Variants in PARD3 observed in about 807,000 individuals in gnomAD.
PARD3 encodes partitioning defective 3 homolog.
PARD3 carries 75 observed loss-of-function variants against 155.4 expected under a neutral mutation model. The observed-to-expected ratio is 0.48, with a 90% CI of 0.40 to 0.58. The LOEUF is 0.58. Among genes scored for constraint, PARD3 ranks in the 20% least tolerant of loss-of-function variants. PARD3 has a pLI of 0.00. For missense variants in PARD3, 1,642 were observed against 1,721.7 expected, an observed-to-expected ratio of 0.95 and a Z score of 0.82; for synonymous variants, 576 against 610.5, an observed-to-expected ratio of 0.94 and a Z score of 0.83.
chr10:34,163,226 T>G (rs1949366405), intron 22 of PARD3, among the ~76,000 whole-genome samples: 1 of 152,050 alleles, frequency 6.6e-6, no homozygotes, highest in African/African-American at 2.4e-5. Context: ...GGGAGGAGGC[T>G]TGTGTTCCCG....
Position 34,359,160 on chromosome 10 carries a change from C to A in PARD3, c.2054G>T (p.Ser685Ile). The A allele has an allele frequency of 6.2e-7, 1 of 1,613,112 alleles. No individual in the cohort carries two copies. The highest frequency in any genetic ancestry group is 8.5e-7 in the Non-Finnish European group (1 of 1,179,618). Residue 685 changes from serine (S) to isoleucine (I), a missense_variant, in exon 14 of 25, where the codon AGC (serine) becomes ATC (isoleucine). Around this residue, in one of 3 missense-constraint regions of PARD3, gnomAD observed 1,529 missense variants for 1,587.3 expected, o/e 0.96. Transcript: ENST00000374788. ...TGCATTTCTTACCTCATTGCACTTGCTTATTCTCCTTGCAACAATAAGCTG... is the reference window on the plus strand; with the variant it reads ...TGCATTTCTTACCTCATTGCACTTGATTATTCTCCTTGCAACAATAAGCTG... ...MIQLIVARRI[S>I]KCNELKSPGS...
intron 20 of PARD3, among the ~76,000 whole-genome samples, chr10:34,298,356 C>T (rs1419971955): frequency 2.6e-5 from 4 of 151,996 alleles, no homozygotes; most frequent in African/African-American, 9.7e-5. Flanking sequence ...TAGCGTGCAT[C>T]GACGTGGGAA....
At chr10:34,806,096 T>G (rs116434603) in intron 1 of PARD3, among the ~76,000 whole-genome samples, 2,216 of 151,776 alleles carry the variant, frequency 0.015, 66 homozygotes, top group African/African-American at 0.05. Flanking sequence ...AGTGACACCA[T>G]CATAGTTCAC....
At chr10:34,616,106 G>T (rs1300004357) in intron 2 of PARD3, among the ~76,000 whole-genome samples, 1 of 152,056 alleles carries the variant, frequency 6.6e-6, no homozygotes, top group Non-Finnish European at 1.5e-5. Context: ...ATCACCTGAG[G>T]CCAGGAGTTC....
At chr10:34,589,636 CAAAAAAAAAAA>C (rs35357373) in intron 2 of PARD3, among the ~76,000 whole-genome samples, 2 of 84,300 alleles carry the variant, frequency 2.4e-5, no homozygotes, top group East Asian at 3.9e-4. Context: ...AGTACATGTC[CAAAAAAAAAAA>C]AAAAAAAAAA....
intron 22 of PARD3, among the ~76,000 whole-genome samples, chr10:34,139,012 C>T (rs987718419): frequency 3.0e-4 from 46 of 151,828 alleles, no homozygotes; most frequent in African/African-American, 1.1e-3. Context: ...TTCTATCACT[C>T]AGACAGTTTT....
rs144274938 is a variant in PARD3, at chr10:34,756,744, C to T, written c.120+58132G>A. Among the ~76,000 whole-genome samples, 590 of 152,242 alleles carry T rather than the reference C, an allele frequency of 3.9e-3. 3 individuals are homozygous for T. The highest frequency in any genetic ancestry group is 0.013 in the African/African-American group (560 of 41,538). ...CTGGGATTACAGGTGTGAGCCACTA[C>T]ACATAATCAAAGCCATTCATCATTT... On this transcript the variant is annotated intron_variant, in intron 1 of 24. Transcript: ENST00000374788.
chr10:34,266,679 G>C (rs897311928), intron 22 of PARD3, among the ~76,000 whole-genome samples: 2 of 152,144 alleles, frequency 1.3e-5, no homozygotes, highest in African/African-American at 2.4e-5. Flanking sequence ...GTTACTTACT[G>C]CTTGGTGTAA....
intron 6 of PARD3, 58 bp downstream of exon 6, chr10:34,401,768 T>C: frequency 9.6e-7 from 1 of 1,041,260 alleles, no homozygotes; most frequent in Admixed American, 1.7e-5. Context: ...GAATACTTGC[T>C]GCAATTAATG....
At chr10:34,456,529 C>G (rs1198066395) in intron 4 of PARD3, among the ~76,000 whole-genome samples, 1 of 152,096 alleles carries the variant, frequency 6.6e-6, no homozygotes, top group Non-Finnish European at 1.5e-5. Flanking sequence ...AACTCCTGAC[C>G]TCAGGCGATC....
At chr10:34,578,084 T>A (rs1008020883) in intron 2 of PARD3, among the ~76,000 whole-genome samples, 2 of 151,656 alleles carry the variant, frequency 1.3e-5, no homozygotes, top group African/African-American at 4.8e-5. Context: ...GTAGAGACAG[T>A]GTCTCAGTAT....
At chr10:34,658,994 T>G (rs2093255244) in intron 2 of PARD3, among the ~76,000 whole-genome samples, 1 of 152,230 alleles carries the variant, frequency 6.6e-6, no homozygotes, top group South Asian at 2.1e-4. Context: ...AGTGTTTTAG[T>G]TTCTACAATT....
At chr10:34,575,627 G>T (rs1231538641) in intron 2 of PARD3, among the ~76,000 whole-genome samples, 2 of 152,152 alleles carry the variant, frequency 1.3e-5, no homozygotes, top group Non-Finnish European at 2.9e-5. Flanking sequence ...CGGGAGCGGT[G>T]GCTCATGCCT....
intron 22 of PARD3, among the ~76,000 whole-genome samples, chr10:34,229,110 A>G (rs1426986513): frequency 6.6e-6 from 1 of 152,074 alleles, no homozygotes; most frequent in African/African-American, 2.4e-5. Context: ...TCCTCACAAC[A>G]GCCACACGCC....
intron 22 of PARD3, among the ~76,000 whole-genome samples, chr10:34,145,221 A>ATATATATTTTTTTTTTT (rs1491430560): frequency 2.9e-5 from 1 of 33,972 alleles, no homozygotes; most frequent in African/African-American, 1.4e-4. Flanking sequence ...ATATATATAT[A>ATATATATTTTTTTTTTT]TTTTTTTTTT....
At chr10:34,746,682 G>T (rs1389242477) in intron 1 of PARD3, among the ~76,000 whole-genome samples, 1 of 151,250 alleles carries the variant, frequency 6.6e-6, no homozygotes, top group East Asian at 1.9e-4. Flanking sequence ...TATGAAAGAC[G>T]CTCAAAAAAG....
intron 14 of PARD3, among the ~76,000 whole-genome samples, chr10:34,353,181 G>T (rs897742492): frequency 2.6e-5 from 4 of 152,134 alleles, no homozygotes; most frequent in Admixed American, 1.3e-4. Context: ...GAGGTGGGGG[G>T]CGCGTCTGCC....
chr10:34,264,178 G>A (rs556478511), intron 22 of PARD3, among the ~76,000 whole-genome samples: 119 of 152,224 alleles, frequency 7.8e-4, no homozygotes, highest in African/African-American at 2.6e-3. Context: ...TCAATAAATT[G>A]TACAAGATAT....
At chr10:34,373,265 A>T (rs868792477) in intron 11 of PARD3, among the ~76,000 whole-genome samples, 1 of 152,150 alleles carries the variant, frequency 6.6e-6, no homozygotes, top group Middle Eastern at 3.4e-3. Flanking sequence ...CGTACTCCTT[A>T]ATGAAAAGCT....
Sources: allele counts gnomAD v4.1 joint callset (sites outside exome capture counted in the v4.1 genomes callset), GRCh38; gene constraint gnomAD v4.1.1; regional missense constraint gnomAD v4.1.1; transcripts MANE v1.5; gene names NCBI Gene and HGNC (gene_info 2026-07-23, HGNC 2026-07-21).